Variants in SLC38A10 observed in about 807,000 individuals in gnomAD.
SLC38A10 encodes Sodium-coupled neutral amino acid transporter 10.
SLC38A10 carries 53 observed loss-of-function variants against 81.0 expected under a neutral mutation model. The ratio of observed to expected loss-of-function variants is 0.65; its 90% confidence interval spans 0.53 to 0.82. The LOEUF (loss-of-function observed/expected upper bound fraction) is 0.82. SLC38A10 is among the 40% of genes least tolerant of loss of function. The probability of loss-of-function intolerance (pLI) is 0.00; values close to 1 mark genes in which losing one functional copy is unlikely to be tolerated. For missense variants in SLC38A10, 1,471 were observed against 1,545.0 expected (o/e 0.95, Z 0.80); for synonymous variants, 665 against 655.3 (o/e 1.01, Z -0.23).
In SLC38A10 at chr17:81,245,454, A is replaced by G; in HGVS notation, c.*102T>C. ...GCCTCAGACATGAAACCCTGGGGAG[A>G]GGCGAGTGTGACCTCCAGAGTTTGG... On this transcript the variant is annotated 3_prime_UTR_variant, in exon 16 of 16. Coordinates refer to ENST00000374759, the MANE Select transcript of SLC38A10 (RefSeq NM_001037984.3). The G allele has an allele frequency of 2.2e-6, 3 of 1,395,322 alleles. No individual in the cohort carries two copies. The South Asian group carries it at 4.2e-5, about 19-fold the overall frequency. The allele number at this position is 1,395,322 out of a possible 1,614,324, so 86.4% of individuals were successfully genotyped here.
In SLC38A10 at chr17:81,253,751, T is replaced by C. The variant is rs1413722307; in HGVS notation, c.1289-511A>G. ...ATCTCCATCCCTACCACCATCACCA[T>C]CATCATCACCGTCACCATCATCACC... On this transcript the variant is annotated intron_variant, in intron 11 of 15. Transcript: ENST00000374759. This position sits in a 1 kb window ranked among gnomAD's most constrained non-coding sequence, Gnocchi z 4.1. Among the ~76,000 whole-genome samples, 26 of 90,560 alleles carry C rather than the reference T, an allele frequency of 2.9e-4. No individual in the cohort carries two copies. Among genetic ancestry groups the C allele is most frequent in the African/African-American group, 1.3e-3 (25 of 19,850 alleles). The allele number at this position is 90,560 out of a possible 152,430, so 59.4% of individuals were successfully genotyped here.
In SLC38A10 at chr17:81,277,854, G is replaced by A. The variant is rs923983295; in HGVS notation, c.627-721C>T. Among the ~76,000 whole-genome samples, 5 of 152,230 alleles carry A rather than the reference G, an allele frequency of 3.3e-5. No individual in the cohort carries two copies. Among genetic ancestry groups the A allele is most frequent in the African/African-American group, 7.2e-5 (3 of 41,460 alleles). On this transcript the variant is annotated intron_variant, in intron 6 of 15. Transcript: ENST00000374759. The surrounding 1 kb of genome is among the most constrained non-coding windows in gnomAD (Gnocchi z 4.5). ...GGCCATGGAGCATCTGTGTGCAGCCGGGGAGAAGGGAGTTGGGCCAGGCAC... is the reference window on the plus strand; with the variant it reads ...GGCCATGGAGCATCTGTGTGCAGCCAGGGAGAAGGGAGTTGGGCCAGGCAC...
chr17:81,251,060 C>T, intron 14 of SLC38A10: 1 of 1,447,142 alleles, frequency 6.9e-7, no homozygotes, highest in South Asian at 1.5e-5. Context: ...AAACTGGGTC[C>T]CCTTGGGGCA....
Position 81,245,308 on chromosome 17 carries a change from T to G in SLC38A10, c.*248A>C. The G allele has an allele frequency of 2.2e-6, 1 of 449,476 alleles. No individual in the cohort carries two copies. The highest frequency in any genetic ancestry group is 4.4e-5 in the South Asian group (1 of 22,656). 27.8% of individuals were successfully genotyped at this position (449,476 alleles called of 1,614,324 possible). ...GGCCGTTTCTCCTCACAGGCTGGAG[T>G]GAGCTCAGAGTCTAGAGGTCAGAGG... is the stretch of plus-strand genomic sequence containing the variant. On this transcript the variant is annotated 3_prime_UTR_variant, in exon 16 of 16. Coordinates refer to ENST00000374759, the MANE Select transcript of SLC38A10 (RefSeq NM_001037984.3).
intron 10 of SLC38A10, among the ~76,000 whole-genome samples, chr17:81,268,098 A>G (rs896233349): frequency 6.6e-6 from 1 of 151,588 alleles, no homozygotes; most frequent in African/African-American, 2.4e-5. Context: ...AAGATGATGA[A>G]CGCCAAGCAG....
rs914901663 is a variant in SLC38A10 at position 81,283,757 on chromosome 17, G to A, written c.264-255C>T. The stretch of plus-strand genomic sequence containing the variant: ...GCCTCCCGAGTAGCTGGGAGTAGCC[G>A]AGTAGCCACGCCCGGCTAATTGTTT... On this transcript the variant is annotated intron_variant, in intron 3 of 15. Transcript: ENST00000374759. The surrounding 1 kb of genome is among the most constrained non-coding windows in gnomAD (Gnocchi z 4.7). 2.6e-5 allele frequency among the ~76,000 whole-genome samples: 4 copies of A among 151,786 alleles called. No individual in the cohort carries two copies. Among genetic ancestry groups the A allele is most frequent in the Non-Finnish European group, 5.9e-5 (4 of 67,966 alleles).
rs780705110 is a variant in SLC38A10 at position 81,246,948 on chromosome 17, C to T, written c.2179G>A (p.Glu727Lys). The part of the protein sequence containing the change: ...DQQEKLLAVI[E>K]EQHKEIHQQR... ...TGGTGGATCTCCTTGTGCTGCTCCTCGATCACCGCCAGCAGCTTCTCCTGC... is the reference window on the plus strand; with the variant it reads ...TGGTGGATCTCCTTGTGCTGCTCCTTGATCACCGCCAGCAGCTTCTCCTGC... Residue 727 changes from glutamate to lysine, a missense_variant, in exon 15 of 16, where the codon GAG (glutamate) becomes AAG (lysine). Coordinates refer to ENST00000374759, the MANE Select transcript of SLC38A10 (RefSeq NM_001037984.3). The T allele has an allele frequency of 5.0e-6, 8 of 1,607,562 alleles. No individual in the cohort carries two copies. The highest frequency in any genetic ancestry group is 2.2e-5 in the East Asian group (1 of 44,878).
At chr17:81,249,345 AGGAGGGAAGAGGAGGAGGAG>A (rs1567922474) in intron 14 of SLC38A10, among the ~76,000 whole-genome samples, 16 of 1,352 alleles carry the variant, frequency 0.012, no homozygotes, top group Non-Finnish European at 0.014. Flanking sequence ...AAGAGGAGGA[AGGAGGGAAGAGGAGGAGGAG>A]GGAGGGAAGA....
At position 81,277,530 on chromosome 17, in the gene SLC38A10, C is replaced by CCCATCTCGGCGCCT. The variant is rs765923775; in HGVS notation, c.627-411_627-398dup. Among the ~76,000 whole-genome samples, 1 of 152,246 alleles carries CCCATCTCGGCGCCT rather than the reference C, an allele frequency of 6.6e-6. No individual in the cohort carries two copies. Among genetic ancestry groups the CCCATCTCGGCGCCT allele is most frequent in the Non-Finnish European group, 1.5e-5 (1 of 68,046 alleles). On this transcript the variant is annotated intron_variant, in intron 6 of 15. Coordinates refer to ENST00000374759, the MANE Select transcript of SLC38A10 (RefSeq NM_001037984.3). The surrounding 1 kb of genome is among the most constrained non-coding windows in gnomAD (Gnocchi z 4.5). ...AACACACCCTGGCCTGGGCGGCCGG[C>CCCATCTCGGCGCCT]CCATCTCGGCGCCTCCATCTCGGCG...
Position 81,252,382 on chromosome 17 carries a change from C to T in SLC38A10, c.1758G>A (p.Gln586=). 4.3e-6 allele frequency: 7 copies of T among 1,613,204 alleles called. No homozygotes were observed. The highest frequency in any genetic ancestry group is 5.9e-6 in the Non-Finnish European group (7 of 1,180,018). The change falls in exon 13 of 16, where the codon CAG becomes CAA. Residue 586 remains glutamine, a synonymous_variant. Coordinates refer to ENST00000374759, the MANE Select transcript of SLC38A10 (RefSeq NM_001037984.3). The part of the protein sequence containing the change: ...DPQKVPEADG[Q]PAVQPAKEDL... ...CCTCCTTTGCAGGCTGGACAGCTGG[C>T]TGACCATCTGCTTCTGGAACTTTCT...
intron 1 of SLC38A10, among the ~76,000 whole-genome samples, chr17:81,291,929 C>A (rs1050586539): frequency 6.6e-6 from 1 of 152,168 alleles, no homozygotes; most frequent in Non-Finnish European, 1.5e-5. Flanking sequence ...CAGCAGTGTG[C>A]CCCGGGTAGG....
At chr17:81,285,837 T>C (rs2063261644) in intron 2 of SLC38A10, 1 of 152,202 alleles carries the variant, frequency 6.6e-6, no homozygotes, top group Non-Finnish European at 1.5e-5. Flanking sequence ...TAACTATGAA[T>C]GGGTCCAAAA....
In SLC38A10 at chr17:81,283,640, G is replaced by A; in HGVS notation, c.264-138C>T. 1.8e-6 allele frequency: 1 copy of A among 555,880 alleles called. No homozygotes were observed. Among genetic ancestry groups the A allele is most frequent in the Non-Finnish European group, 3.1e-6 (1 of 320,032 alleles). The allele number at this position is 555,880 out of a possible 1,614,324, so 34.4% of individuals were successfully genotyped here. ...TTCTTTTTTTTTTTTTTGAAACAGA[G>A]TCTCACTCTGTCGCCCAGGCTGGAG... On this transcript the variant is annotated intron_variant, in intron 3 of 15. Transcript: ENST00000374759. This position sits in a 1 kb window ranked among gnomAD's most constrained non-coding sequence, Gnocchi z 4.7.
rs1352235429 is a variant in SLC38A10 at position 81,257,013 on chromosome 17, CA to C, written c.1288+3224del. The stretch of plus-strand genomic sequence containing the variant: ...CGGGAGAGGCTCCCAGTTCCTTCCA[CA>C]GAGCACCGAATGGTCCGTGAGAAAC... On this transcript the variant is annotated intron_variant, in intron 11 of 15. Transcript: ENST00000374759. Among the ~76,000 whole-genome samples, 3 of 152,358 alleles carry C rather than the reference CA, an allele frequency of 2.0e-5. No homozygotes were observed. The East Asian group carries it at 5.8e-4, about 29-fold the overall frequency.
intron 1 of SLC38A10, among the ~76,000 whole-genome samples, chr17:81,293,615 G>C (rs937178554): frequency 2.0e-5 from 3 of 152,094 alleles, no homozygotes; most frequent in African/African-American, 7.2e-5. Flanking sequence ...GAGACTACAG[G>C]TATGCACCAC....
intron 13 of SLC38A10, 131 bp downstream of exon 13, chr17:81,252,064 T>G: frequency 1.5e-6 from 2 of 1,329,264 alleles, no homozygotes; most frequent in Non-Finnish European, 2.0e-6. Flanking sequence ...GCCCGCTCCA[T>G]TTGCATGCTA....
rs762512398 is a variant in SLC38A10, at chr17:81,288,584, C to G, written c.217+1107G>C. The G allele has an allele frequency of 6.6e-6, 1 of 152,280 alleles. No homozygotes were observed. The highest frequency in any genetic ancestry group is 1.5e-5 in the Non-Finnish European group (1 of 68,102). The allele number at this position is 152,280 out of a possible 1,614,324, so 9.4% of individuals were successfully genotyped here. On this transcript the variant is annotated intron_variant, in intron 2 of 15. Transcript: ENST00000374759. The surrounding 1 kb of genome is among the most constrained non-coding windows in gnomAD (Gnocchi z 5.4). ...GGGCAGACGGGAAGGTGAGGGATGG[C>G]GCCCTCGAAGACAAACAACGTAGAA...
chr17:81,253,058 G>A lies in SLC38A10; in HGVS notation c.1456+15C>T, dbSNP rs2062934516. ...CCGCCCTTCCCCATCCGCACCCCCA[G>A]CCAGTGCCCAGCACCTTGCCCAGGG... On this transcript the variant is annotated intron_variant, in intron 12 of 15. Transcript: ENST00000374759. This position sits in a 1 kb window ranked among gnomAD's most constrained non-coding sequence, Gnocchi z 4.1. 1.9e-6 allele frequency: 3 copies of A among 1,610,152 alleles called. No individual in the cohort carries two copies. The highest frequency in any genetic ancestry group is 2.2e-5 in the East Asian group (1 of 44,848).
intron 11 of SLC38A10, among the ~76,000 whole-genome samples, chr17:81,255,389 C>G (rs953083247): frequency 6.6e-6 from 1 of 152,222 alleles, no homozygotes; most frequent in Admixed American, 6.5e-5. Context: ...AAAACTAACA[C>G]AAAACTTCAA....
Sources: gnomAD v4.1 joint callset for allele counts (sites outside exome capture counted in the v4.1 genomes callset) on GRCh38, gnomAD v4.1.1 for gene constraint, Gnocchi (gnomAD v3.1) non-coding constraint, MANE v1.5 for transcripts, NCBI Gene and HGNC (gene_info 2026-07-23, HGNC 2026-07-21) for gene names.